The following TCF7L2 variants were observed in gnomAD, a reference collection of about 807,000 sequenced individuals.
The protein encoded by TCF7L2 is transcription factor 7-like 2.
In TCF7L2, 23 loss-of-function variants were observed where a neutral mutation model predicts 77.9. The ratio of observed to expected loss-of-function variants is 0.30; its 90% CI spans 0.21 to 0.42. TCF7L2 has a LOEUF of 0.42. Among genes scored for constraint, TCF7L2 ranks in the 10% least tolerant of loss-of-function variants. The pLI, the probability that TCF7L2 is intolerant of heterozygous loss-of-function variation, is 1.00. For synonymous variants in TCF7L2, 413 were observed against 340.2 expected, an observed-to-expected ratio of 1.21 and a Z score of -2.36; for missense variants, 654 against 793.1, an observed-to-expected ratio of 0.82 and a Z score of 2.11.
chr10:113,001,440 G>A (rs1473972105), intron 4 of TCF7L2, among the ~76,000 whole-genome samples: 1 of 152,212 alleles, frequency 6.6e-6, no homozygotes, highest in African/African-American at 2.4e-5. Context: ...TTGGTTCTCA[G>A]AGAAGTGGCT....
chr10:112,962,488 C>A (rs565636344), intron 3 of TCF7L2, among the ~76,000 whole-genome samples: 38 of 152,302 alleles, frequency 2.5e-4, no homozygotes, highest in Non-Finnish European at 5.0e-4. Context: ...AGAATTGTCA[C>A]AGTAATTAGT....
chr10:113,073,097 G>C (rs2058227942), intron 5 of TCF7L2, among the ~76,000 whole-genome samples: 1 of 43,562 alleles, frequency 2.3e-5, no homozygotes, highest in African/African-American at 1.3e-4. Context: ...GCAGGGCCAG[G>C]TCGTGTGTGT....
intron 4 of TCF7L2, among the ~76,000 whole-genome samples, chr10:113,033,157 CT>C (rs1218396740): frequency 1.3e-5 from 2 of 149,940 alleles, no homozygotes; most frequent in African/African-American, 4.9e-5. Context: ...CTTTTCTTTT[CT>C]TTTTTTCTTT....
At chr10:113,164,432 ACTT>A (rs761892753) in intron 13 of TCF7L2, among the ~76,000 whole-genome samples, 7 of 152,018 alleles carry the variant, frequency 4.6e-5, no homozygotes, top group Admixed American at 2.6e-4. Context: ...ATTCCCTGGC[ACTT>A]CTTCTTTGTA....
At position 113,151,184 on chromosome 10, in the gene TCF7L2, G is replaced by A; in HGVS notation, c.1001+61G>A. ...CGCAGTGTTCTGCAAGCCTGTTGCA[G>A]CTGCTGGGTGGTGGCTTTCTGCCTA... On this transcript the variant is annotated intron_variant, in intron 9 of 13. Transcript: ENST00000627217. This position sits in a 1 kb window ranked among gnomAD's most constrained non-coding sequence, Gnocchi z 5.2. The A allele has an allele frequency of 6.2e-7, 1 of 1,608,480 alleles. No homozygotes were observed. Among genetic ancestry groups the A allele is most frequent in the Non-Finnish European group, 8.5e-7 (1 of 1,176,146 alleles).
chr10:113,036,665 C>CTTCTTTCTTTCTTTCTTTCTTTCT (rs71489996), intron 4 of TCF7L2, among the ~76,000 whole-genome samples: 74 of 150,916 alleles, frequency 4.9e-4, no homozygotes, highest in African/African-American at 1.8e-3. Flanking sequence ...CCAAGATGGC[C>CTTCTTTCTTTCTTTCTTTCTTTCT]TTCTTTCTTT....
intron 5 of TCF7L2, among the ~76,000 whole-genome samples, chr10:113,123,376 T>C (rs985694877): frequency 1.3e-5 from 2 of 152,226 alleles, no homozygotes; most frequent in Non-Finnish European, 2.9e-5. Flanking sequence ...CTCTTTACTT[T>C]AGACATCTCA....
At chr10:113,129,495 T>A (rs1299277695) in intron 5 of TCF7L2, 8 of 950,356 alleles carry the variant, frequency 8.4e-6, no homozygotes, top group East Asian at 1.1e-4. Flanking sequence ...GTTTTTAAAA[T>A]TTTTTTTAAA....
intron 4 of TCF7L2, among the ~76,000 whole-genome samples, chr10:112,983,478 TA>T (rs201381866): frequency 0.014 from 2,075 of 152,142 alleles, 22 homozygotes; most frequent in Admixed American, 0.022. Flanking sequence ...CTGTCTCAAA[TA>T]AATAAATAAA....
intron 4 of TCF7L2, among the ~76,000 whole-genome samples, chr10:112,968,701 C>T (rs190614356): frequency 6.6e-6 from 1 of 152,286 alleles, no homozygotes; most frequent in East Asian, 1.9e-4. Context: ...ACCTCAGCCT[C>T]GCTAGTAGCT....
chr10:113,033,801 A>G (rs1300513016), intron 4 of TCF7L2, among the ~76,000 whole-genome samples: 1 of 152,192 alleles, frequency 6.6e-6, no homozygotes, highest in Non-Finnish European at 1.5e-5. Flanking sequence ...CTAGTCTCCT[A>G]TACCTTCTGC....
At chr10:113,157,913 G>A in intron 11 of TCF7L2, 108 bp from the exon 12 acceptor site, 1 of 1,165,594 alleles carries the variant, frequency 8.6e-7, no homozygotes, top group Non-Finnish European at 1.2e-6. Context: ...TGTGGATGGA[G>A]ATGGCAGTAT....
At chr10:112,995,088 C>T (rs1314563269) in intron 4 of TCF7L2, among the ~76,000 whole-genome samples, 3 of 152,112 alleles carry the variant, frequency 2.0e-5, no homozygotes, top group Admixed American at 1.3e-4. Context: ...GCAACAAGAG[C>T]GAAACTGTGT....
intron 8 of TCF7L2, among the ~76,000 whole-genome samples, chr10:113,149,219 A>G (rs1410568074): frequency 6.6e-6 from 1 of 152,162 alleles, no homozygotes; most frequent in African/African-American, 2.4e-5. Context: ...GTGTCTCCCA[A>G]GGGGTTTTGC....
At chr10:113,129,205 TC>T (rs1182040825) in intron 5 of TCF7L2, 2 of 569,938 alleles carry the variant, frequency 3.5e-6, no homozygotes, top group Non-Finnish European at 4.4e-6. Flanking sequence ...CCTTTCCTCC[TC>T]CCTCCCCTCT....
At chr10:113,157,024 G>T (rs1416820634) in intron 11 of TCF7L2, among the ~76,000 whole-genome samples, 1 of 152,266 alleles carries the variant, frequency 6.6e-6, no homozygotes, top group Non-Finnish European at 1.5e-5. Context: ...ATTCATGGGA[G>T]GAGTGGTATC....
chr10:113,081,707 C>T lies in TCF7L2; in HGVS notation c.552+41581C>T, dbSNP rs191158257. On this transcript the variant is annotated intron_variant, in intron 5 of 13. Transcript: ENST00000627217. Reference sequence around the variant, plus strand: ...CTTGAGGTCACATTGAACCTCATCCCTGTTGCGGAAAACAAATGGGAGTGA... The same window carrying T: ...CTTGAGGTCACATTGAACCTCATCCTTGTTGCGGAAAACAAATGGGAGTGA... 3.5e-3 allele frequency among the ~76,000 whole-genome samples: 538 copies of T among 152,320 alleles called. 7 individuals carry two copies. The highest frequency in any genetic ancestry group is 0.026 in the Admixed American group (391 of 15,306).
chr10:112,992,930 A>AT (rs2135498108), intron 4 of TCF7L2, among the ~76,000 whole-genome samples: 1 of 151,686 alleles, frequency 6.6e-6, no homozygotes, highest in African/African-American at 2.4e-5. Context: ...CGCCTGGCTA[A>AT]TTTTTTGTAT....
intron 8 of TCF7L2, among the ~76,000 whole-genome samples, chr10:113,148,527 C>T (rs1189695552): frequency 6.6e-6 from 1 of 152,120 alleles, no homozygotes; most frequent in Non-Finnish European, 1.5e-5. Flanking sequence ...AGATGACATC[C>T]GGTTAACAGA....
Sources: gnomAD v4.1 joint callset for allele counts (sites outside exome capture counted in the v4.1 genomes callset) on GRCh38, gnomAD v4.1.1 for gene constraint, Gnocchi (gnomAD v3.1) non-coding constraint, MANE v1.5 for transcripts, NCBI Gene and HGNC (gene_info 2026-07-23, HGNC 2026-07-21) for gene names.